The following NETO1 variants were observed in gnomAD, a reference collection of about 807,000 sequenced individuals.
NETO1 encodes neuropilin and tolloid like 1.
In NETO1, 26 loss-of-function variants were observed where a neutral mutation model predicts 61.3. That is an observed-to-expected ratio of 0.42 (90% CI 0.31 to 0.59). The LOEUF is 0.59. Ranked by LOEUF, NETO1 falls within the 20% of genes least tolerant of loss-of-function variation. NETO1 has a pLI of 0.12. For synonymous variants in NETO1, 225 were observed against 225.8 expected (o/e 1.00, Z 0.03); for missense variants, 531 against 662.8 (o/e 0.80, Z 2.18).
rs1435935661 is a variant in NETO1, at chr18:72,748,338, T to G, written c.*15-174A>C. ...TCAAGCAGATTCAATTGGAGACAAA[T>G]TAGGCTAATATAGATATAAACAATC... On this transcript the variant is annotated intron_variant, in intron 10 of 10. Coordinates refer to ENST00000327305, the MANE Select transcript of NETO1 (RefSeq NM_138966.5). 4 of 976,442 alleles carry G rather than the reference T, an allele frequency of 4.1e-6. No homozygotes were observed. The East Asian group carries it at 4.6e-4, about 111-fold the overall frequency. The allele number at this position is 976,442 out of a possible 1,614,324, so 60.5% of individuals were successfully genotyped here.
intron 4 of NETO1, among the ~76,000 whole-genome samples, chr18:72,823,222 A>G (rs2073261218): frequency 6.6e-6 from 1 of 152,228 alleles, no homozygotes; most frequent in Non-Finnish European, 1.5e-5. Flanking sequence ...AAAATTGCTA[A>G]CCTCATGGCA....
intron 8 of NETO1, among the ~76,000 whole-genome samples, chr18:72,750,941 G>T (rs886723370): frequency 8.7e-6 from 1 of 114,824 alleles, no homozygotes; most frequent in African/African-American, 3.5e-5. Context: ...TCTATCGTAG[G>T]TTAAGAAAAT....
chr18:72,843,501 G>C (rs746469683), intron 4 of NETO1, among the ~76,000 whole-genome samples: 21 of 152,044 alleles, frequency 1.4e-4, no homozygotes, highest in Non-Finnish European at 2.5e-4. Flanking sequence ...ATTCCTAAAA[G>C]GAAGCATGAC....
chr18:72,858,776 A>C, intron 4 of NETO1, 50 bp downstream of exon 4: 1 of 1,508,724 alleles, frequency 6.6e-7, no homozygotes, highest in Non-Finnish European at 8.9e-7. Flanking sequence ...TACTATGAAG[A>C]TAGAAAAATG....
chr18:72,807,490 C>T (rs915731437), intron 4 of NETO1, among the ~76,000 whole-genome samples: 5 of 152,028 alleles, frequency 3.3e-5, no homozygotes, highest in Non-Finnish European at 5.9e-5. Flanking sequence ...ATTGAGAAAA[C>T]GTAACTCTTA....
chr18:72,758,543 A>C (rs1256462342), intron 7 of NETO1, among the ~76,000 whole-genome samples: 1 of 152,098 alleles, frequency 6.6e-6, no homozygotes, highest in Non-Finnish European at 1.5e-5. Context: ...TATGGTTAAG[A>C]AGCAATGTAG....
chr18:72,791,027 G>A (rs1012039947), intron 6 of NETO1, among the ~76,000 whole-genome samples: 5 of 152,052 alleles, frequency 3.3e-5, no homozygotes, highest in Non-Finnish European at 4.4e-5. Flanking sequence ...CTTTGTTAAC[G>A]CCTATTGAAT....
rs1214362503 is a variant in NETO1, at chr18:72,745,008, T to G, written c.*3171A>C. 6.6e-6 allele frequency: 1 copy of G among 152,172 alleles called. No individual in the cohort carries two copies. The highest frequency in any genetic ancestry group is 1.5e-5 in the Non-Finnish European group (1 of 68,026). 9.4% of individuals were successfully genotyped at this position (152,172 alleles called of 1,614,324 possible). A position where few individuals can be genotyped will look rare whatever the true frequency, so the allele number is the denominator to read the frequency against. The stretch of plus-strand genomic sequence containing the variant: ...GCCAACCGTCTAAGTTACTTAACAC[T>G]GAGGATCATAACTTATGGAGTCATC... On this transcript the variant is annotated 3_prime_UTR_variant, in exon 11 of 11. Coordinates refer to ENST00000327305, the MANE Select transcript of NETO1 (RefSeq NM_138966.5).
intron 3 of NETO1, among the ~76,000 whole-genome samples, chr18:72,859,628 T>C (rs528360813): frequency 6.6e-5 from 10 of 152,170 alleles, no homozygotes; most frequent in Non-Finnish European, 1.5e-4. Context: ...CCATGATCAA[T>C]GCATTCAACA....
intron 4 of NETO1, among the ~76,000 whole-genome samples, 191 bp downstream of exon 4, chr18:72,858,635 G>A (rs879865192): frequency 2.0e-5 from 3 of 152,102 alleles, no homozygotes; most frequent in Admixed American, 6.5e-5. Flanking sequence ...CTCTAGTATA[G>A]GCTGTTTTAA....
rs111801482 is a variant in NETO1, at chr18:72,761,656, T to C, written c.869-5509A>G. Among the ~76,000 whole-genome samples, 548 of 152,302 alleles carry C rather than the reference T, an allele frequency of 3.6e-3. 13 individuals are homozygous for C. The South Asian group carries it at 0.069, about 19-fold the overall frequency. On this transcript the variant is annotated intron_variant, in intron 7 of 10. Coordinates refer to ENST00000327305, the MANE Select transcript of NETO1 (RefSeq NM_138966.5). ...CAGACATGTAAATGATCCGATAGAA[T>C]TGAGGCTTGGATAACAGGGACAGTA... is the stretch of plus-strand genomic sequence containing the variant.
At position 72,748,173 on chromosome 18, in the gene NETO1, A is replaced by G. The variant is rs1230686837; in HGVS notation, c.*15-9T>C. On this transcript the variant is annotated splice_polypyrimidine_tract_variant and intron_variant, in intron 10 of 10. Transcript: ENST00000327305. ...GTATAAATAGTTCTTCTCTGAAAAT[A>G]AAAAACAGTTAAAACATTTTCTCCC... 5 of 982,470 alleles carry G rather than the reference A, an allele frequency of 5.1e-6. No homozygotes were observed. Among genetic ancestry groups the G allele is most frequent in the Non-Finnish European group, 6.0e-6 (5 of 826,916 alleles). The allele number at this position is 982,470 out of a possible 1,614,324, so 60.9% of individuals were successfully genotyped here.
At chr18:72,815,597 C>T (rs1033042745) in intron 4 of NETO1, among the ~76,000 whole-genome samples, 2 of 152,218 alleles carry the variant, frequency 1.3e-5, no homozygotes, top group Middle Eastern at 3.4e-3. Context: ...AAAATAACAA[C>T]GTGTGATCCC....
chr18:72,864,885 G>C lies in NETO1; in HGVS notation c.143C>G (p.Ala48Gly), dbSNP rs773128978. Residue 48 changes from alanine (A) to glycine (G), a missense_variant, in exon 3 of 11, where the codon GCA becomes GGA. Coordinates refer to ENST00000327305, the MANE Select transcript of NETO1 (RefSeq NM_138966.5). Reference protein sequence around the residue: ...SVQCGTWTKHAEGGIFTSPNY... With the variant: ...SVQCGTWTKHGEGGIFTSPNY... ...GGGAGAGGTAAAGATACCTCCCTCTGCATGTTTTGTCCAAGTTCCACACTG... is the reference window on the plus strand; with the variant it reads ...GGGAGAGGTAAAGATACCTCCCTCTCCATGTTTTGTCCAAGTTCCACACTG... 2.1e-5 allele frequency: 34 copies of C among 1,613,362 alleles called. No individual in the cohort carries two copies. Among genetic ancestry groups the C allele is most frequent in the Non-Finnish European group, 2.7e-5 (32 of 1,179,916 alleles).
chr18:72,743,287 G>A (rs903957315), downstream of NETO1, among the ~76,000 whole-genome samples: 1 of 152,026 alleles, frequency 6.6e-6, no homozygotes, highest in Non-Finnish European at 1.5e-5. Context: ...ATTACTCTAG[G>A]TGGAAATTTC....
intron 8 of NETO1, among the ~76,000 whole-genome samples, chr18:72,750,851 G>A (rs1434032876): frequency 5.9e-5 from 8 of 134,684 alleles, no homozygotes; most frequent in Non-Finnish European, 9.5e-5. Context: ...CCTCCCCATT[G>A]CCCAGCATCT....
intron 4 of NETO1, among the ~76,000 whole-genome samples, chr18:72,831,414 T>C (rs772018357): frequency 6.6e-6 from 1 of 152,190 alleles, no homozygotes; most frequent in Non-Finnish European, 1.5e-5. Context: ...ATGAAAGATG[T>C]AGCAATATAA....
chr18:72,748,711 T>C lies in NETO1; in HGVS notation c.*14+303A>G, dbSNP rs573959317. Among the ~76,000 whole-genome samples the C allele has an allele frequency of 3.6e-4, 55 of 152,216 alleles. 1 individual carries two copies. In the South Asian group the frequency reaches 7.5e-3, roughly 21 times the overall value. On this transcript the variant is annotated intron_variant, in intron 10 of 10. Transcript: ENST00000327305. ...TTTTTTTCGAGTATTTCTTTGGAGA[T>C]AGTTCATTAAAACTTTACCTTAAAA...
chr18:72,822,860 T>C (rs2073245629), intron 4 of NETO1, among the ~76,000 whole-genome samples: 1 of 152,090 alleles, frequency 6.6e-6, no homozygotes, highest in Non-Finnish European at 1.5e-5. Flanking sequence ...AGAGAGAGTA[T>C]GGGGAGAGGC....
Sources: allele counts gnomAD v4.1 joint callset (sites outside exome capture counted in the v4.1 genomes callset), GRCh38; gene constraint gnomAD v4.1.1; transcripts MANE v1.5; gene names NCBI Gene and HGNC (gene_info 2026-07-23, HGNC 2026-07-21).